PEAK1: variants seen among roughly 807,000 people sequenced by gnomAD.
PEAK1 encodes the protein inactive tyrosine-protein kinase PEAK1.
A neutral mutation model predicts 124.7 loss-of-function variants in PEAK1; 54 were observed. The observed-to-expected ratio is 0.43, with a 90% CI of 0.35 to 0.54. The LOEUF (loss-of-function observed/expected upper bound fraction) is 0.54. Among genes scored for constraint, PEAK1 ranks in the 20% least tolerant of loss-of-function variants. The pLI is 0.01. For synonymous variants in PEAK1, 719 were observed against 760.0 expected (o/e 0.95, Z 0.89); for missense variants, 2,046 against 2,134.5 (o/e 0.96, Z 0.82).
Position 77,350,911 on chromosome 15 carries a change from C to T in PEAK1, c.-603+14252G>A, listed in dbSNP as rs949507539. ...ACGCAGGCATTTACTACAAACATGG[C>T]CCTCTATTTAGAGCAATTCACATGT... is the stretch of plus-strand genomic sequence containing the variant. On this transcript the variant is annotated intron_variant, in intron 2 of 9. Coordinates refer to ENST00000682557, the MANE Select transcript of PEAK1 (RefSeq NM_001385026.1). 15 of 985,246 alleles carry T rather than the reference C, an allele frequency of 1.5e-5. No homozygotes were observed. In the East Asian group the frequency reaches 5.7e-4, roughly 37 times the overall value. The allele number at this position is 985,246 out of a possible 1,614,324, so 61.0% of individuals were successfully genotyped here.
At chr15:77,348,900 G>T in intron 2 of PEAK1, 2 of 945,182 alleles carry the variant, frequency 2.1e-6, no homozygotes. Flanking sequence ...CCTTGGCCTC[G>T]CAAAGTGCTG....
intron 6 of PEAK1, among the ~76,000 whole-genome samples, chr15:77,250,690 C>G (rs188894573): frequency 6.6e-6 from 1 of 152,274 alleles, no homozygotes; most frequent in African/African-American, 2.4e-5. Flanking sequence ...GCCTCAGCCT[C>G]CCAAAGTGCT....
Position 77,133,366 on chromosome 15 carries a change from G to C in PEAK1, c.3716C>G (p.Thr1239Ser). The C allele has an allele frequency of 6.2e-7, 1 of 1,614,232 alleles. No homozygotes were observed. The highest frequency in any genetic ancestry group is 1.1e-5 in the South Asian group (1 of 91,090). The part of the protein sequence containing the change: ...PSAANSISSL[T>S]TLSIKDRFSN... ...AAATCTATCCTTAATACTGAGAGTGGTTAAGCTGGAAATGCTGTTTGCTGC... is the reference window on the plus strand; with the variant it reads ...AAATCTATCCTTAATACTGAGAGTGCTTAAGCTGGAAATGCTGTTTGCTGC... Residue 1239 changes from threonine to serine, a missense_variant, in exon 9 of 10, where the codon ACC becomes AGC. Physicochemically the swap from Thr to Ser is moderately conservative, Grantham distance 58. Transcript: ENST00000682557. This position sits in a 1 kb window ranked among gnomAD's most constrained non-coding sequence, Gnocchi z 4.2.
chr15:77,391,525 A>G (rs1597572402), intron 1 of PEAK1, among the ~76,000 whole-genome samples: 1 of 146,324 alleles, frequency 6.8e-6, no homozygotes, highest in East Asian at 2.1e-4. Flanking sequence ...GGGAAACACC[A>G]GGCCAGACTA....
At chr15:77,314,090 T>A (rs17469276) in intron 2 of PEAK1, among the ~76,000 whole-genome samples, 41,326 of 152,054 alleles carry the variant, frequency 0.27, 6,651 homozygotes, top group Middle Eastern at 0.37. Flanking sequence ...CACTGATGTA[T>A]TTTAAAACTT....
rs747039267 is a variant in PEAK1, at chr15:77,180,380, G to A, written c.1547C>T (p.Pro516Leu). 1.5e-5 allele frequency: 25 copies of A among 1,614,116 alleles called. No homozygotes were observed. Among genetic ancestry groups the A allele is most frequent in the Non-Finnish European group, 1.9e-5 (22 of 1,180,004 alleles). ...TTGGAAATGGGCACTTATTTGTCCT[G>A]GTGTCAATGAAGATGATGTAACTGG... ...NSPVTSSSLT[P>L]GQISAHFQKS... is the part of the protein sequence containing the mutation. Residue 516 changes from proline to leucine, a missense_variant, in exon 7 of 10, where the codon CCA (proline) becomes CTA (leucine). Coordinates refer to ENST00000682557, the MANE Select transcript of PEAK1 (RefSeq NM_001385026.1).
intron 2 of PEAK1, among the ~76,000 whole-genome samples, chr15:77,343,482 C>CTT (rs60121928): frequency 5.1e-5 from 5 of 97,962 alleles, no homozygotes; most frequent in African/African-American, 1.9e-4. Context: ...GTCCAACTTA[C>CTT]TTTTTTTTTT....
chr15:77,192,770 T>C (rs1426665718), intron 6 of PEAK1, among the ~76,000 whole-genome samples: 2 of 152,094 alleles, frequency 1.3e-5, no homozygotes, highest in African/African-American at 2.4e-5. Flanking sequence ...AGGCCATTGC[T>C]AATAAGATTT....
chr15:77,125,917 G>GAGC (rs34945937), intron 9 of PEAK1, among the ~76,000 whole-genome samples: 41,434 of 152,054 alleles, frequency 0.27, 6,688 homozygotes, highest in Middle Eastern at 0.38. Context: ...CCCAGGAGAA[G>GAGC]AGCAGTCCAG....
chr15:77,198,693 T>C (rs2058222843), intron 6 of PEAK1, among the ~76,000 whole-genome samples: 1 of 152,178 alleles, frequency 6.6e-6, no homozygotes, highest in Non-Finnish European at 1.5e-5. Context: ...GAGACTGTAA[T>C]ATTATTCAAG....
intron 9 of PEAK1, among the ~76,000 whole-genome samples, chr15:77,128,515 G>A (rs577685626): frequency 2.0e-5 from 3 of 152,290 alleles, no homozygotes; most frequent in South Asian, 2.1e-4. Context: ...TCAGTATTGC[G>A]CCACTATGCA....
intron 5 of PEAK1, 33 bp from the exon 6 acceptor site, chr15:77,252,559 G>A (rs890079239): frequency 1.2e-4 from 116 of 955,426 alleles, no homozygotes; most frequent in Non-Finnish European, 1.4e-4. Flanking sequence ...CAAAACTGGA[G>A]AGTAATATAA....
intron 1 of PEAK1, among the ~76,000 whole-genome samples, chr15:77,394,044 G>A (rs1333714803): frequency 1.3e-5 from 2 of 152,166 alleles, no homozygotes; most frequent in Non-Finnish European, 2.9e-5. Context: ...TTCTCTGCTT[G>A]TGGAAAGGGA....
intron 2 of PEAK1, among the ~76,000 whole-genome samples, chr15:77,299,774 G>A (rs999997507): frequency 1.3e-5 from 2 of 152,134 alleles, no homozygotes; most frequent in African/African-American, 4.8e-5. Context: ...CTATCAGCTA[G>A]GAATCATGGA....
intron 8 of PEAK1, among the ~76,000 whole-genome samples, chr15:77,139,115 G>C (rs1596321070): frequency 6.6e-6 from 1 of 152,056 alleles, no homozygotes. Flanking sequence ...ATAAGAAAAA[G>C]CACCATGTGA....
chr15:77,405,027 GAC>G (rs1326396660), intron 1 of PEAK1, among the ~76,000 whole-genome samples: 78 of 147,698 alleles, frequency 5.3e-4, no homozygotes, highest in African/African-American at 1.9e-3. Context: ...TTTTTTTTGA[GAC>G]AGAGTCTTGC....
chr15:77,213,802 A>G (rs1448745439), intron 6 of PEAK1, among the ~76,000 whole-genome samples: 1 of 152,204 alleles, frequency 6.6e-6, no homozygotes, highest in Non-Finnish European at 1.5e-5. Context: ...ATACAATAAA[A>G]TTCACCAATT....
chr15:77,180,723 C>T lies in PEAK1; in HGVS notation c.1204G>A (p.Ala402Thr). ...GGAACTTTTATTGAGCTTTTGGAAG[C>T]CTGTGATGAATCTTTATCCTGATTA... ...SNNQDKDSSQ[A>T]SKSSIKVPET... Residue 402 changes from alanine to threonine, a missense_variant, in exon 7 of 10, where the codon GCT becomes ACT. Physicochemically the swap from Ala to Thr is moderately conservative, Grantham distance 58. Coordinates refer to ENST00000682557, the MANE Select transcript of PEAK1 (RefSeq NM_001385026.1). The T allele has an allele frequency of 6.2e-7, 1 of 1,613,966 alleles. No individual in the cohort carries two copies. Among genetic ancestry groups the T allele is most frequent in the Non-Finnish European group, 8.5e-7 (1 of 1,179,956 alleles).
intron 6 of PEAK1, among the ~76,000 whole-genome samples, chr15:77,209,725 T>G (rs2058819113): frequency 1.3e-5 from 2 of 152,110 alleles, no homozygotes; most frequent in Admixed American, 6.6e-5. Context: ...CTTCACTGGG[T>G]GTGGTAGGCA....
Sources: gnomAD v4.1 joint callset for allele counts (sites outside exome capture counted in the v4.1 genomes callset) on GRCh38, gnomAD v4.1.1 for gene constraint, Gnocchi (gnomAD v3.1) non-coding constraint, MANE v1.5 for transcripts, NCBI Gene and HGNC (gene_info 2026-07-23, HGNC 2026-07-21) for gene names.